XRCC4: variants seen among roughly 807,000 people sequenced by gnomAD.
XRCC4 encodes the protein X-ray repair cross complementing 4.
A neutral mutation model predicts 39.1 loss-of-function variants in XRCC4; 28 were observed. That is an observed-to-expected ratio of 0.72 (90% CI 0.53 to 0.98). The LOEUF is 0.98. Ranked by LOEUF, XRCC4 falls within the 50% of genes least tolerant of loss-of-function variation. The pLI is 0.00. For missense variants in XRCC4, 350 were observed against 376.4 expected (o/e 0.93, Z 0.58); for synonymous variants, 123 against 126.4 (o/e 0.97, Z 0.18).
At chr5:83,277,614 C>T (rs1754380866) in intron 7 of XRCC4, among the ~76,000 whole-genome samples, 1 of 152,130 alleles carries the variant, frequency 6.6e-6, no homozygotes, top group Non-Finnish European at 1.5e-5. Context: ...ACTCCTATGT[C>T]CATTTAAAAA....
intron 6 of XRCC4, among the ~76,000 whole-genome samples, chr5:83,249,533 G>A (rs1753232771): frequency 6.6e-6 from 1 of 152,268 alleles, no homozygotes; most frequent in African/African-American, 2.4e-5. Context: ...AGTGCAAATA[G>A]AATGTTTTTT....
chr5:83,199,870 G>A (rs533839092), intron 4 of XRCC4, among the ~76,000 whole-genome samples: 2 of 152,214 alleles, frequency 1.3e-5, no homozygotes, highest in South Asian at 2.1e-4. Context: ...ATTGTAGAAA[G>A]GATGAAGTAT....
chr5:83,321,674 C>CA (rs1159731362), intron 7 of XRCC4, among the ~76,000 whole-genome samples: 2 of 152,082 alleles, frequency 1.3e-5, no homozygotes, highest in African/African-American at 2.4e-5. Flanking sequence ...GACACATGTG[C>CA]ATTAGATCCA....
At position 83,345,502 on chromosome 5, in the gene XRCC4, T is replaced by C. The variant is rs574296948; in HGVS notation, c.894-7629T>C. Among the ~76,000 whole-genome samples, 11 of 152,316 alleles carry C rather than the reference T, an allele frequency of 7.2e-5. No homozygotes were observed. The East Asian group carries it at 2.1e-3, about 29-fold the overall frequency. On this transcript the variant is annotated intron_variant, in intron 7 of 7. Coordinates refer to ENST00000396027, the MANE Select transcript of XRCC4 (RefSeq NM_003401.5). Reference sequence around the variant, plus strand: ...AGTTGAGTTTTTAAATTTAAAATCATTGTTTTTGTCAAAAGTCAAAACAAG... The same window carrying C: ...AGTTGAGTTTTTAAATTTAAAATCACTGTTTTTGTCAAAAGTCAAAACAAG...
At chr5:83,254,233 C>T (rs10052365) in intron 6 of XRCC4, among the ~76,000 whole-genome samples, 49 of 152,108 alleles carry the variant, frequency 3.2e-4, no homozygotes, top group African/African-American at 6.0e-4. Flanking sequence ...CAGTCAATAT[C>T]GAATCCATAC....
At chr5:83,095,345 C>A (rs1400012477) in intron 1 of XRCC4, among the ~76,000 whole-genome samples, 1 of 152,108 alleles carries the variant, frequency 6.6e-6, no homozygotes, top group Admixed American at 6.6e-5. Flanking sequence ...AGCAGTTGGA[C>A]AGGGTTGCAG....
intron 3 of XRCC4, among the ~76,000 whole-genome samples, chr5:83,176,667 G>C (rs1749973641): frequency 6.7e-6 from 1 of 148,298 alleles, no homozygotes; most frequent in Non-Finnish European, 1.5e-5. Flanking sequence ...CTGTCACCCA[G>C]GCTGGAGTGC....
At chr5:83,264,847 A>G (rs1433005882) in intron 7 of XRCC4, among the ~76,000 whole-genome samples, 1 of 152,212 alleles carries the variant, frequency 6.6e-6, no homozygotes, top group East Asian at 1.9e-4. Flanking sequence ...TACTTTATAT[A>G]TAGAGAGAGT....
At position 83,111,219 on chromosome 5, in the gene XRCC4, C is replaced by A; in HGVS notation, c.315+16C>A. ...AGATGTCTCAGTAAGTAAAACTTTC[C>A]AAAATGTTACATAGTAAAATGTCAG... On this transcript the variant is annotated intron_variant, in intron 3 of 7. Coordinates refer to ENST00000396027, the MANE Select transcript of XRCC4 (RefSeq NM_003401.5). 1 of 1,551,214 alleles carries A rather than the reference C, an allele frequency of 6.4e-7. No homozygotes were observed. Among genetic ancestry groups the A allele is most frequent in the Non-Finnish European group, 8.7e-7 (1 of 1,149,932 alleles).
At chr5:83,258,076 A>G (rs1029466885) in intron 6 of XRCC4, among the ~76,000 whole-genome samples, 4 of 152,124 alleles carry the variant, frequency 2.6e-5, no homozygotes, top group African/African-American at 9.7e-5. Context: ...ATTAGGAGAA[A>G]TACCTAATAT....
intron 7 of XRCC4, among the ~76,000 whole-genome samples, chr5:83,345,696 G>A (rs1274176765): frequency 1.3e-5 from 2 of 152,086 alleles, no homozygotes; most frequent in Non-Finnish European, 1.5e-5. Flanking sequence ...AATAGGAAGC[G>A]ATTGCTATTC....
intron 7 of XRCC4, among the ~76,000 whole-genome samples, chr5:83,351,193 T>C (rs1757072172): frequency 6.6e-6 from 1 of 152,196 alleles, no homozygotes; most frequent in African/African-American, 2.4e-5. Flanking sequence ...TTTCACCTTC[T>C]ACCGTGAGGC....
At chr5:83,169,514 A>G (rs1400148725) in intron 3 of XRCC4, among the ~76,000 whole-genome samples, 2 of 152,222 alleles carry the variant, frequency 1.3e-5, no homozygotes, top group South Asian at 2.1e-4. Context: ...TGCTGTGCTT[A>G]CTAACATAAA....
intron 6 of XRCC4, among the ~76,000 whole-genome samples, chr5:83,248,653 A>G (rs780084464): frequency 9.9e-5 from 15 of 152,180 alleles, no homozygotes; most frequent in Non-Finnish European, 1.6e-4. Context: ...TAATTTGAAG[A>G]TAGCTAAACA....
At chr5:83,271,843 C>A (rs1215829315) in intron 7 of XRCC4, among the ~76,000 whole-genome samples, 1 of 152,166 alleles carries the variant, frequency 6.6e-6, no homozygotes, top group Non-Finnish European at 1.5e-5. Context: ...CTTTCCCTAG[C>A]TGTTTGAGTT....
At chr5:83,139,503 G>T (rs1421831625) in intron 3 of XRCC4, among the ~76,000 whole-genome samples, 3 of 152,096 alleles carry the variant, frequency 2.0e-5, no homozygotes, top group Admixed American at 6.5e-5. Context: ...AGTATCTTTT[G>T]TTTCATTATA....
intron 4 of XRCC4, among the ~76,000 whole-genome samples, chr5:83,203,139 A>G (rs938792666): frequency 1.3e-5 from 2 of 152,114 alleles, no homozygotes; most frequent in African/African-American, 4.8e-5. Context: ...CAGACAAATT[A>G]GCTATGTTGC....
intron 7 of XRCC4, among the ~76,000 whole-genome samples, chr5:83,321,453 C>T (rs960352432): frequency 4.6e-5 from 7 of 152,126 alleles, no homozygotes; most frequent in African/African-American, 1.7e-4. Context: ...CTTTTTGATT[C>T]TTACCCTCAT....
intron 3 of XRCC4, among the ~76,000 whole-genome samples, chr5:83,134,031 C>T (rs933298576): frequency 8.5e-5 from 13 of 152,196 alleles, no homozygotes; most frequent in Non-Finnish European, 1.5e-4. Context: ...GCTGGGCAAG[C>T]GCCGCAGTCT....
Sources: gnomAD v4.1 joint callset for allele counts (sites outside exome capture counted in the v4.1 genomes callset) on GRCh38, gnomAD v4.1.1 for gene constraint, MANE v1.5 for transcripts, NCBI Gene and HGNC (gene_info 2026-07-23, HGNC 2026-07-21) for gene names.